GPRIN3: variants seen among roughly 807,000 people sequenced by gnomAD.
GPRIN3 encodes GPRIN family member 3.
A neutral mutation model predicts 13.7 loss-of-function variants in GPRIN3; 12 were observed. That is an observed-to-expected ratio of 0.87 (90% CI 0.56 to 1.42). GPRIN3 has a LOEUF of 1.42. Ranked by LOEUF, GPRIN3 falls within the 40% of genes most tolerant of loss-of-function variation. The probability of loss-of-function intolerance (pLI) is 0.00; values close to 1 mark genes in which losing one functional copy is unlikely to be tolerated. For synonymous variants in GPRIN3, 377 were observed against 372.7 expected (o/e 1.01, Z -0.13); for missense variants, 1,009 against 958.7 (o/e 1.05, Z -0.69).
intron 1 of GPRIN3, among the ~76,000 whole-genome samples, chr4:89,288,168 T>C (rs1724474380): frequency 6.6e-6 from 1 of 152,212 alleles, no homozygotes; most frequent in South Asian, 2.1e-4. Context: ...GTTTTCTCTC[T>C]GTGACTTCTT....
In GPRIN3 at chr4:89,243,809, C is replaced by A. The variant is rs1213061245; in HGVS notation, c.*3971G>T. 6.6e-6 allele frequency: 1 copy of A among 152,170 alleles called. No individual in the cohort carries two copies. The highest frequency in any genetic ancestry group is 1.5e-5 in the Non-Finnish European group (1 of 68,030). The allele number at this position is 152,170 out of a possible 1,614,324, so 9.4% of individuals were successfully genotyped here. Reference sequence around the variant, plus strand: ...AAAACACATATACATATATGCAAACCTTATCCTAATGTATTGTTTTTCTTT... The same window carrying A: ...AAAACACATATACATATATGCAAACATTATCCTAATGTATTGTTTTTCTTT... On this transcript the variant is annotated 3_prime_UTR_variant, in exon 2 of 2. Coordinates refer to ENST00000609438, the MANE Select transcript of GPRIN3 (RefSeq NM_198281.3).
chr4:89,291,655 G>C (rs1724574383), intron 1 of GPRIN3, among the ~76,000 whole-genome samples: 1 of 152,022 alleles, frequency 6.6e-6, no homozygotes. Flanking sequence ...TGTTATCATA[G>C]GTTTTCTCAT....
intron 1 of GPRIN3, among the ~76,000 whole-genome samples, chr4:89,296,457 C>CTT (rs995012662): frequency 1.3e-5 from 2 of 151,458 alleles, no homozygotes; most frequent in Non-Finnish European, 1.5e-5. Flanking sequence ...CATGGATTAC[C>CTT]TTTTTTTTTC....
At chr4:89,270,463 T>C (rs1273642492) in intron 1 of GPRIN3, among the ~76,000 whole-genome samples, 1 of 149,756 alleles carries the variant, frequency 6.7e-6, no homozygotes, top group Non-Finnish European at 1.5e-5. Context: ...CTTTCAACTG[T>C]ACTCTTTTTC....
At chr4:89,289,012 A>G (rs1221253096) in intron 1 of GPRIN3, among the ~76,000 whole-genome samples, 1 of 151,892 alleles carries the variant, frequency 6.6e-6, no homozygotes, top group East Asian at 1.9e-4. Context: ...TCCTATGTCG[A>G]CTTTTCTTTC....
chr4:89,297,564 C>CA (rs1724773960), intron 1 of GPRIN3, among the ~76,000 whole-genome samples: 1 of 152,140 alleles, frequency 6.6e-6, no homozygotes, highest in Non-Finnish European at 1.5e-5. Flanking sequence ...CGCTCCAAGG[C>CA]AAAGGAGGTT....
chr4:89,302,947 T>C (rs1479955667), intron 1 of GPRIN3, among the ~76,000 whole-genome samples: 2 of 152,100 alleles, frequency 1.3e-5, no homozygotes, highest in East Asian at 3.9e-4. Flanking sequence ...TAACTGGCCC[T>C]GGTCTTCTGT....
intron 1 of GPRIN3, among the ~76,000 whole-genome samples, chr4:89,304,767 T>A (rs2110032478): frequency 6.6e-6 from 1 of 152,330 alleles, no homozygotes; most frequent in East Asian, 1.9e-4. Flanking sequence ...TGTCATTCTT[T>A]TCCCCTGAGC....
chr4:89,289,077 C>T lies in GPRIN3; in HGVS notation c.-124+18538G>A, dbSNP rs540679858. Among the ~76,000 whole-genome samples the T allele has an allele frequency of 2.3e-4, 34 of 150,798 alleles. No individual in the cohort carries two copies. In the South Asian group the frequency reaches 6.4e-3, roughly 28 times the overall value. On this transcript the variant is annotated intron_variant, in intron 1 of 1. Coordinates refer to ENST00000609438, the MANE Select transcript of GPRIN3 (RefSeq NM_198281.3). ...GATCAAACTAATTCGTTCTTTGACC[C>T]GAAATGTTGGTTTTACTGAAAATTC...
chr4:89,258,997 C>T (rs764617239), intron 1 of GPRIN3, among the ~76,000 whole-genome samples: 5 of 152,154 alleles, frequency 3.3e-5, no homozygotes, highest in African/African-American at 9.7e-5. Context: ...CTTAAAAATT[C>T]GTATTTTGGC....
rs1468396644 is a variant in GPRIN3, at chr4:89,246,456, C to T, written c.*1324G>A. On this transcript the variant is annotated 3_prime_UTR_variant, in exon 2 of 2. Transcript: ENST00000609438. ...TGCCTTGGAGGATACTCATGTGTCTCGGGACACACGTCTCTTCTGGAGACA... is the reference window on the plus strand; with the variant it reads ...TGCCTTGGAGGATACTCATGTGTCTTGGGACACACGTCTCTTCTGGAGACA... The T allele has an allele frequency of 1.3e-5, 2 of 152,100 alleles. No individual in the cohort carries two copies. Among genetic ancestry groups the T allele is most frequent in the African/African-American group, 2.4e-5 (1 of 41,416 alleles). The allele number at this position is 152,100 out of a possible 1,614,324, so 9.4% of individuals were successfully genotyped here. A position where few individuals can be genotyped will look rare whatever the true frequency, so the allele number is the denominator to read the frequency against.
At position 89,270,475 on chromosome 4, in the gene GPRIN3, T is replaced by C. The variant is rs377030591; in HGVS notation, c.-123-20242A>G. On this transcript the variant is annotated intron_variant, in intron 1 of 1. Transcript: ENST00000609438. Reference sequence around the variant, plus strand: ...ATTCTTTCAACTGTACTCTTTTTCCTGTATGTATTTACCATATTTGGCATT... The same window carrying C: ...ATTCTTTCAACTGTACTCTTTTTCCCGTATGTATTTACCATATTTGGCATT... 2.0e-3 allele frequency among the ~76,000 whole-genome samples: 303 copies of C among 149,242 alleles called. 13 individuals are homozygous for C. In the South Asian group the frequency reaches 0.057, roughly 28 times the overall value.
Position 89,245,535 on chromosome 4 carries a change from A to T in GPRIN3, c.*2245T>A, listed in dbSNP as rs1723071431. ...AATAAATATTATTATCAGAGGCGAA[A>T]TTCCTTATTCTCACCTATTTTAATG... On this transcript the variant is annotated 3_prime_UTR_variant, in exon 2 of 2. Coordinates refer to ENST00000609438, the MANE Select transcript of GPRIN3 (RefSeq NM_198281.3). 1 of 152,198 alleles carries T rather than the reference A, an allele frequency of 6.6e-6. No individual in the cohort carries two copies. The highest frequency in any genetic ancestry group is 1.5e-5 in the Non-Finnish European group (1 of 68,040). 9.4% of individuals were successfully genotyped at this position (152,198 alleles called of 1,614,324 possible). A position where few individuals can be genotyped will look rare whatever the true frequency, so the allele number is the denominator to read the frequency against.
rs554182044 is a variant in GPRIN3, at chr4:89,266,317, A to C, written c.-123-16084T>G. On this transcript the variant is annotated intron_variant, in intron 1 of 1. Transcript: ENST00000609438. ...AGTGGGACTTCCTGAGGATGCCATG[A>C]CTCAAGGAATCCTGGCAGCTGGTGG... Among the ~76,000 whole-genome samples, 4 of 152,186 alleles carry C rather than the reference A, an allele frequency of 2.6e-5. No individual in the cohort carries two copies. The East Asian group carries it at 7.7e-4, about 29-fold the overall frequency.
At position 89,249,656 on chromosome 4, in the gene GPRIN3, T is replaced by A. The variant is rs1723258526; in HGVS notation, c.455A>T (p.Glu152Val). ...TCTCTGTGATCTCATCAGGGAATCT[T>A]CAGGCATGGATGAGGTGATGGCATT... ...QPNAITSSMP[E>V]DSLMRSQRTS... Residue 152 changes from glutamate to valine, a missense_variant, in exon 2 of 2, where the codon GAA (glutamate) becomes GTA (valine). Coordinates refer to ENST00000609438, the MANE Select transcript of GPRIN3 (RefSeq NM_198281.3). The A allele has an allele frequency of 6.2e-7, 1 of 1,614,190 alleles. No homozygotes were observed. The highest frequency in any genetic ancestry group is 1.3e-5 in the African/African-American group (1 of 75,044).
chr4:89,268,928 A>G (rs1458605659), intron 1 of GPRIN3, among the ~76,000 whole-genome samples: 1 of 152,216 alleles, frequency 6.6e-6, no homozygotes, highest in African/African-American at 2.4e-5. Flanking sequence ...AGCAAGAAAA[A>G]TAGTGAAGTA....
chr4:89,278,112 G>A (rs926702155), intron 1 of GPRIN3, among the ~76,000 whole-genome samples: 1 of 152,148 alleles, frequency 6.6e-6, no homozygotes, highest in Non-Finnish European at 1.5e-5. Context: ...GGAAAGTGAG[G>A]CTCAGTGAGA....
chr4:89,301,455 C>A (rs1724895169), intron 1 of GPRIN3, among the ~76,000 whole-genome samples: 1 of 152,208 alleles, frequency 6.6e-6, no homozygotes, highest in Non-Finnish European at 1.5e-5. Context: ...AAACTGTCAA[C>A]AAGAATTGAA....
chr4:89,253,048 G>T (rs113207516), intron 1 of GPRIN3, among the ~76,000 whole-genome samples: 1 of 150,010 alleles, frequency 6.7e-6, no homozygotes, highest in Non-Finnish European at 1.5e-5. Context: ...CCTACAGGTT[G>T]GTTGGTCGTC....
Sources: allele counts gnomAD v4.1 joint callset (sites outside exome capture counted in the v4.1 genomes callset), GRCh38; gene constraint gnomAD v4.1.1; transcripts MANE v1.5; gene names NCBI Gene and HGNC (gene_info 2026-07-23, HGNC 2026-07-21).